The following THSD7B variants were observed in gnomAD, a reference collection of about 807,000 sequenced individuals.
The protein encoded by THSD7B is thrombospondin type-1 domain-containing protein 7B.
Under a neutral mutation model 213.6 loss-of-function variants are expected in THSD7B, and 138 were observed. The observed-to-expected ratio is 0.65, with a 90% CI of 0.56 to 0.74. The LOEUF (loss-of-function observed/expected upper bound fraction) is 0.74. Ranked by LOEUF, THSD7B falls within the 30% of genes least tolerant of loss-of-function variation. The pLI, the probability that THSD7B is intolerant of heterozygous loss-of-function variation, is 0.00. For missense variants in THSD7B, 1,931 were observed against 1,991.5 expected, an observed-to-expected ratio of 0.97 and a Z score of 0.58; for synonymous variants, 742 against 687.0, an observed-to-expected ratio of 1.08 and a Z score of -1.25.
chr2:136,868,159 T>C (rs1046780326), intron 1 of THSD7B, among the ~76,000 whole-genome samples: 14 of 151,782 alleles, frequency 9.2e-5, no homozygotes, highest in Admixed American at 4.6e-4. Context: ...AAGATGCAAG[T>C]TGAAATAATA....
At chr2:137,600,124 G>A (rs1682048553) in intron 17 of THSD7B, among the ~76,000 whole-genome samples, 1 of 152,064 alleles carries the variant, frequency 6.6e-6, no homozygotes, top group Non-Finnish European at 1.5e-5. Context: ...CGCACACAGA[G>A]AGGGAGAGAG....
At chr2:137,517,286 G>A (rs1443190221) in intron 15 of THSD7B, among the ~76,000 whole-genome samples, 3 of 152,206 alleles carry the variant, frequency 2.0e-5, no homozygotes, top group Admixed American at 6.5e-5. Context: ...TATCACACTG[G>A]TCCATTACAT....
At chr2:136,975,184 A>G (rs1685461312) in intron 2 of THSD7B, among the ~76,000 whole-genome samples, 1 of 151,958 alleles carries the variant, frequency 6.6e-6, no homozygotes, top group African/African-American at 2.4e-5. Context: ...TTTGCTGTGC[A>G]GAAGCTCTTT....
intron 2 of THSD7B, among the ~76,000 whole-genome samples, chr2:136,894,176 G>C (rs1683911085): frequency 6.6e-6 from 1 of 152,008 alleles, no homozygotes; most frequent in South Asian, 2.1e-4. Flanking sequence ...TTTCCCTCAG[G>C]GTTAATAATT....
intron 2 of THSD7B, among the ~76,000 whole-genome samples, chr2:136,988,561 C>T (rs1469767330): frequency 6.6e-6 from 1 of 152,198 alleles, no homozygotes; most frequent in Non-Finnish European, 1.5e-5. Flanking sequence ...ATGTGTGGAG[C>T]TTCCAGCAGA....
intron 5 of THSD7B, among the ~76,000 whole-genome samples, chr2:137,140,601 T>A (rs1274776600): frequency 6.6e-6 from 1 of 151,710 alleles, no homozygotes; most frequent in Non-Finnish European, 1.5e-5. Context: ...TATTCTTAAT[T>A]TTTTGCCAAC....
intron 1 of THSD7B, among the ~76,000 whole-genome samples, chr2:136,791,884 C>T (rs1000964324): frequency 2.4e-4 from 36 of 151,980 alleles, no homozygotes; most frequent in African/African-American, 7.7e-4. Flanking sequence ...TTTCATTTCT[C>T]TTGGGTATAT....
In THSD7B at chr2:137,523,680, C is replaced by G. The variant is rs574781449; in HGVS notation, c.3139-39541C>G. 2.7e-4 allele frequency among the ~76,000 whole-genome samples: 41 copies of G among 152,186 alleles called. 1 individual carries two copies. In the East Asian group the frequency reaches 4.5e-3, roughly 17 times the overall value. On this transcript the variant is annotated intron_variant, in intron 15 of 27. Transcript: ENST00000409968. ...CAAAATGTATTCAGTCAGGTATGTGCCCACTTCCACTGATTTAGTCAAGAT... is the reference window on the plus strand; with the variant it reads ...CAAAATGTATTCAGTCAGGTATGTGGCCACTTCCACTGATTTAGTCAAGAT...
chr2:137,287,788 A>C (rs1573936094), intron 12 of THSD7B, among the ~76,000 whole-genome samples: 1 of 151,810 alleles, frequency 6.6e-6, no homozygotes, highest in Non-Finnish European at 1.5e-5. Context: ...GGTGGGGGTA[A>C]TTTTTTTTAA....
chr2:137,275,349 T>G (rs1393280340), intron 11 of THSD7B, among the ~76,000 whole-genome samples: 1 of 152,048 alleles, frequency 6.6e-6, no homozygotes, highest in Non-Finnish European at 1.5e-5. Context: ...ACTTCAAAAG[T>G]CCTTGGAAAC....
In THSD7B at chr2:137,559,119, C is replaced by T. The variant is rs1434834392; in HGVS notation, c.3139-4102C>T. On this transcript the variant is annotated intron_variant, in intron 15 of 27. Transcript: ENST00000409968. ...GCTCATGGATAGGAAGAATCAATAT[C>T]GTGAAAATGGCCATACTGCCCAAGG... Among the ~76,000 whole-genome samples, 8 of 152,166 alleles carry T rather than the reference C, an allele frequency of 5.3e-5. No homozygotes were observed. The South Asian group carries it at 6.2e-4, about 12-fold the overall frequency.
At chr2:137,480,407 T>G (rs930833707) in intron 15 of THSD7B, among the ~76,000 whole-genome samples, 1 of 152,236 alleles carries the variant, frequency 6.6e-6, no homozygotes, top group South Asian at 2.1e-4. Flanking sequence ...TTATAAAGTT[T>G]TGAAAAACTC....
chr2:137,043,865 A>T (rs754888210), intron 2 of THSD7B, among the ~76,000 whole-genome samples: 1 of 152,126 alleles, frequency 6.6e-6, no homozygotes, highest in Non-Finnish European at 1.5e-5. Context: ...TCTCTTAATA[A>T]ATCTGTTTCT....
At chr2:137,092,696 G>A (rs1183945040) in intron 3 of THSD7B, among the ~76,000 whole-genome samples, 2 of 152,186 alleles carry the variant, frequency 1.3e-5, no homozygotes, top group East Asian at 1.9e-4. Flanking sequence ...GTGCGGTGGT[G>A]CAGTCTCGGC....
At position 136,835,290 on chromosome 2, in the gene THSD7B, G is replaced by A. The variant is rs115975504; in HGVS notation, c.-35-46854G>A. ...CATACCATAAAGTGAGTGAAAAGTAGGATGATATTTGAGCTCTTTAATTGA... is the reference window on the plus strand; with the variant it reads ...CATACCATAAAGTGAGTGAAAAGTAAGATGATATTTGAGCTCTTTAATTGA... On this transcript the variant is annotated intron_variant, in intron 1 of 27. Transcript: ENST00000409968. 8.9e-3 allele frequency among the ~76,000 whole-genome samples: 1,363 copies of A among 152,312 alleles called. 23 individuals carry two copies. Among genetic ancestry groups the A allele is most frequent in the African/African-American group, 0.031 (1,281 of 41,570 alleles).
intron 15 of THSD7B, among the ~76,000 whole-genome samples, chr2:137,541,319 T>C (rs889976719): frequency 2.6e-5 from 4 of 151,660 alleles, no homozygotes; most frequent in African/African-American, 9.7e-5. Flanking sequence ...AAAAAAAATA[T>C]GGTCCAAAAA....
chr2:137,663,149 G>A (rs182945029), intron 25 of THSD7B, among the ~76,000 whole-genome samples: 50 of 152,030 alleles, frequency 3.3e-4, no homozygotes, highest in African/African-American at 1.2e-3. Flanking sequence ...ATATTTGGCA[G>A]GTGTCAGAAT....
chr2:137,532,181 G>A (rs1465554845), intron 15 of THSD7B, among the ~76,000 whole-genome samples: 1 of 151,852 alleles, frequency 6.6e-6, no homozygotes, highest in African/African-American at 2.4e-5. Flanking sequence ...ATTACTTTAG[G>A]ACAATTCTGA....
At chr2:136,969,478 G>A (rs1285752281) in intron 2 of THSD7B, among the ~76,000 whole-genome samples, 1 of 152,156 alleles carries the variant, frequency 6.6e-6, no homozygotes, top group Admixed American at 6.5e-5. Flanking sequence ...ATTTCACAAA[G>A]CATCAAACAT....
Sources: gnomAD v4.1 joint callset for allele counts (sites outside exome capture counted in the v4.1 genomes callset) on GRCh38, gnomAD v4.1.1 for gene constraint, MANE v1.5 for transcripts, NCBI Gene and HGNC (gene_info 2026-07-23, HGNC 2026-07-21) for gene names.